The following DPP10 variants were observed in gnomAD, a reference collection of about 807,000 sequenced individuals.
The protein encoded by DPP10 is dipeptidyl peptidase like 10.
A neutral mutation model predicts 120.9 loss-of-function variants in DPP10; 33 were observed. The ratio of observed to expected loss-of-function variants is 0.27; its 90% CI spans 0.21 to 0.37. DPP10 has a LOEUF of 0.37. Ranked by LOEUF, DPP10 falls within the 10% of genes least tolerant of loss-of-function variation. The pLI, the probability that DPP10 is intolerant of heterozygous loss-of-function variation, is 1.00. For missense variants in DPP10, 816 were observed against 942.8 expected (o/e 0.87, Z 1.76); for synonymous variants, 337 against 326.1 (o/e 1.03, Z -0.36).
chr2:114,693,285 T>G lies in DPP10; in HGVS notation c.60+250447T>G, dbSNP rs146576957. Among the ~76,000 whole-genome samples, 663 of 152,112 alleles carry G rather than the reference T, an allele frequency of 4.4e-3. 5 individuals carry two copies. Among genetic ancestry groups the G allele is most frequent in the African/African-American group, 0.015 (640 of 41,540 alleles). ...CAAGGCAGTCCTGAGGGTGACAAAT[T>G]CCCTCAGGATTTGCTTGTCTGTAAA... On this transcript the variant is annotated intron_variant, in intron 1 of 25. Transcript: ENST00000410059.
chr2:115,223,298 T>C (rs192805333), intron 1 of DPP10, among the ~76,000 whole-genome samples: 1 of 152,242 alleles, frequency 6.6e-6, no homozygotes, highest in East Asian at 1.9e-4. Flanking sequence ...AGGTTATTTA[T>C]TAAAACAATT....
rs182826911 is a variant in DPP10, at chr2:114,564,188, G to C, written c.60+121350G>C. Among the ~76,000 whole-genome samples, 968 of 152,194 alleles carry C rather than the reference G, an allele frequency of 6.4e-3. 9 individuals carry two copies. The highest frequency in any genetic ancestry group is 0.023 in the African/African-American group (938 of 41,508). ...ATTCTAATGGGAGGTGTAATTTTAT[G>C]AATACTTCTTGCATCTCATCTCCAC... On this transcript the variant is annotated intron_variant, in intron 1 of 25. Coordinates refer to ENST00000410059, the MANE Select transcript of DPP10 (RefSeq NM_020868.6).
At chr2:115,299,068 G>A (rs2061011299) in intron 1 of DPP10, among the ~76,000 whole-genome samples, 1 of 151,896 alleles carries the variant, frequency 6.6e-6, no homozygotes, top group African/African-American at 2.4e-5. Context: ...TACATATATT[G>A]GGAGAAGATT....
intron 5 of DPP10, among the ~76,000 whole-genome samples, chr2:115,535,225 C>T (rs1333960692): frequency 6.6e-6 from 1 of 151,514 alleles, no homozygotes; most frequent in East Asian, 2.0e-4. Flanking sequence ...AGGTTTTCTT[C>T]TAGGGTTTTT....
intron 5 of DPP10, among the ~76,000 whole-genome samples, chr2:115,616,504 C>T (rs538900636): frequency 4.6e-5 from 7 of 151,932 alleles, no homozygotes; most frequent in African/African-American, 1.7e-4. Context: ...AAAAAAAACT[C>T]TGAAAGCACA....
intron 1 of DPP10, among the ~76,000 whole-genome samples, chr2:114,633,715 G>A (rs943389343): frequency 2.0e-5 from 3 of 151,708 alleles, no homozygotes; most frequent in African/African-American, 4.9e-5. Flanking sequence ...CTGAGTTGAA[G>A]CAATTCTCCT....
At chr2:115,654,446 C>T (rs2088101598) in intron 5 of DPP10, among the ~76,000 whole-genome samples, 1 of 151,584 alleles carries the variant, frequency 6.6e-6, no homozygotes, top group South Asian at 2.1e-4. Flanking sequence ...ATGATTTTTC[C>T]TAATTATTAT....
At chr2:115,002,028 A>C (rs551414258) in intron 1 of DPP10, among the ~76,000 whole-genome samples, 1 of 152,322 alleles carries the variant, frequency 6.6e-6, no homozygotes, top group Non-Finnish European at 1.5e-5. Flanking sequence ...ATTAGACAAA[A>C]CTATTTTAAA....
At chr2:115,060,934 A>G (rs1031098917) in intron 1 of DPP10, among the ~76,000 whole-genome samples, 10 of 152,168 alleles carry the variant, frequency 6.6e-5, no homozygotes, top group Non-Finnish European at 1.5e-4. Context: ...ATTCACAATC[A>G]TACATTTCAT....
chr2:114,782,843 A>G (rs928995676), intron 1 of DPP10, among the ~76,000 whole-genome samples: 4 of 152,150 alleles, frequency 2.6e-5, no homozygotes, highest in Non-Finnish European at 4.4e-5. Context: ...CACAGAGTGC[A>G]GTGAAAAGAA....
At chr2:115,063,789 G>A (rs1706612453) in intron 1 of DPP10, among the ~76,000 whole-genome samples, 1 of 152,120 alleles carries the variant, frequency 6.6e-6, no homozygotes, top group Non-Finnish European at 1.5e-5. Context: ...AAGACTTAAT[G>A]TAAAATCCCA....
chr2:115,065,322 A>C (rs1167959279), intron 1 of DPP10, among the ~76,000 whole-genome samples: 1 of 152,142 alleles, frequency 6.6e-6, no homozygotes, highest in Non-Finnish European at 1.5e-5. Flanking sequence ...ACCACTGCTT[A>C]ACATAAACTG....
intron 1 of DPP10, among the ~76,000 whole-genome samples, chr2:114,882,441 G>A (rs756010970): frequency 6.6e-6 from 1 of 152,016 alleles, no homozygotes; most frequent in East Asian, 1.9e-4. Context: ...TCACTTATAA[G>A]TGGGAGCTAA....
At chr2:115,244,203 T>C (rs2058415346) in intron 1 of DPP10, among the ~76,000 whole-genome samples, 1 of 144,422 alleles carries the variant, frequency 6.9e-6, no homozygotes, top group Admixed American at 7.1e-5. Context: ...TGTCTATATA[T>C]ATATATGTGT....
chr2:114,667,996 G>C (rs1698056840), intron 1 of DPP10, among the ~76,000 whole-genome samples: 1 of 152,120 alleles, frequency 6.6e-6, no homozygotes, highest in Admixed American at 6.6e-5. Flanking sequence ...TGAGGCTTAA[G>C]AGAAAGAAAA....
chr2:115,521,605 AT>A lies in DPP10; in HGVS notation c.367-4280del, dbSNP rs79361161. 5.1e-3 allele frequency among the ~76,000 whole-genome samples: 734 copies of A among 143,460 alleles called. 2 individuals carry two copies. Among genetic ancestry groups the A allele is most frequent in the African/African-American group, 0.015 (597 of 39,174 alleles). The allele number at this position is 143,460 out of a possible 152,430, so 94.1% of individuals were successfully genotyped here. A position where few individuals can be genotyped will look rare whatever the true frequency, so the allele number is the denominator to read the frequency against. On this transcript the variant is annotated intron_variant, in intron 4 of 25. Coordinates refer to ENST00000410059, the MANE Select transcript of DPP10 (RefSeq NM_020868.6). ...TTCTCCATCTTCAAATCTAATCCTT[AT>A]TTTTTTTTTTTTGTATTTTATTCAC... is the stretch of plus-strand genomic sequence containing the variant.
chr2:114,685,460 A>G (rs1365216281), intron 1 of DPP10, among the ~76,000 whole-genome samples: 2 of 151,970 alleles, frequency 1.3e-5, no homozygotes, highest in African/African-American at 4.8e-5. Context: ...GTTTACCCCA[A>G]AAGGGAACTA....
At chr2:115,037,743 T>G (rs1704328717) in intron 1 of DPP10, among the ~76,000 whole-genome samples, 1 of 152,264 alleles carries the variant, frequency 6.6e-6, no homozygotes, top group South Asian at 2.1e-4. Context: ...TTTGCTCCAC[T>G]AAGTGTGGTC....
intron 3 of DPP10, among the ~76,000 whole-genome samples, chr2:115,347,585 G>A (rs954776512): frequency 4.1e-4 from 63 of 151,818 alleles, no homozygotes; most frequent in African/African-American, 1.4e-3. Flanking sequence ...TGCACCCATC[G>A]TCCCATCATC....
Sources: allele counts gnomAD v4.1 joint callset (sites outside exome capture counted in the v4.1 genomes callset), GRCh38; gene constraint gnomAD v4.1.1; transcripts MANE v1.5; gene names NCBI Gene and HGNC (gene_info 2026-07-23, HGNC 2026-07-21).